Variants in STXBP4 observed in about 807,000 individuals in gnomAD.
STXBP4 encodes the protein syntaxin binding protein 4.
Under a neutral mutation model 76.1 loss-of-function variants are expected in STXBP4, and 55 were observed. The ratio of observed to expected loss-of-function variants is 0.72; its 90% confidence interval spans 0.58 to 0.91. STXBP4 has a LOEUF of 0.91. STXBP4 is among the 40% of genes least tolerant of loss of function. The pLI is 0.00. For missense variants in STXBP4, 618 were observed against 636.9 expected, an observed-to-expected ratio of 0.97 and a Z score of 0.32; for synonymous variants, 201 against 220.2, an observed-to-expected ratio of 0.91 and a Z score of 0.77.
At chr17:55,024,315 G>A (rs2078373811) in intron 8 of STXBP4, among the ~76,000 whole-genome samples, 1 of 152,234 alleles carries the variant, frequency 6.6e-6, no homozygotes. Context: ...AAGGAGATAT[G>A]TACAATGCAG....
At chr17:54,989,354 CA>C (rs2144394795) in intron 3 of STXBP4, among the ~76,000 whole-genome samples, 1 of 152,326 alleles carries the variant, frequency 6.6e-6, no homozygotes, top group South Asian at 2.1e-4. Context: ...CTCGGCCTCC[CA>C]AAGTGCTGGG....
chr17:54,994,595 C>CCT (rs1365364618), intron 4 of STXBP4, among the ~76,000 whole-genome samples: 1 of 152,172 alleles, frequency 6.6e-6, no homozygotes, highest in Admixed American at 6.5e-5. Context: ...ATCACTGGAG[C>CCT]TTAAACTGTC....
In STXBP4 at chr17:55,162,581, A is replaced by C. The variant is rs975377123; in HGVS notation, c.*2670A>C. On this transcript the variant is annotated 3_prime_UTR_variant, in exon 18 of 18. Coordinates refer to ENST00000376352, the MANE Select transcript of STXBP4 (RefSeq NM_178509.6). ...ACTTACTCTTGATTTAAAAAAAAAA[A>C]AACAACAAAAGAGTTTGTGTGTGGC... 49 of 152,250 alleles carry C rather than the reference A, an allele frequency of 3.2e-4. No homozygotes were observed. The highest frequency in any genetic ancestry group is 7.5e-4 in the African/African-American group (31 of 41,574). The allele number at this position is 152,250 out of a possible 1,614,324, so 9.4% of individuals were successfully genotyped here.
At chr17:55,071,801 TC>T (rs1487271613) in intron 12 of STXBP4, among the ~76,000 whole-genome samples, 1 of 152,150 alleles carries the variant, frequency 6.6e-6, no homozygotes, top group Non-Finnish European at 1.5e-5. Flanking sequence ...AAAGCAAATG[TC>T]CCTTAACAGC....
chr17:54,984,381 C>T (rs1434094933), intron 1 of STXBP4, among the ~76,000 whole-genome samples: 5 of 131,480 alleles, frequency 3.8e-5, no homozygotes, highest in African/African-American at 1.4e-4. Flanking sequence ...CTGGCTCTGT[C>T]GCCCAGGCTG....
intron 16 of STXBP4, among the ~76,000 whole-genome samples, chr17:55,132,226 G>T (rs1037264895): frequency 1.3e-5 from 2 of 152,164 alleles, no homozygotes. Context: ...GAGTCTCGCT[G>T]TGTCCCCCAG....
At chr17:54,973,103 T>C (rs746682519) in intron 1 of STXBP4, among the ~76,000 whole-genome samples, 8 of 152,196 alleles carry the variant, frequency 5.3e-5, no homozygotes, top group Non-Finnish European at 8.8e-5. Flanking sequence ...GGAAGTTTGG[T>C]TCTAGACACA....
chr17:55,196,952 A>G, the STXBP4 span, among the ~76,000 whole-genome samples: 1 of 152,216 alleles, frequency 6.6e-6, no homozygotes, highest in African/African-American at 2.4e-5. Context: ...GATCCAGCCA[A>G]CATTTGAATG....
the STXBP4 span, among the ~76,000 whole-genome samples, chr17:55,212,262 A>ATAAACTCTATCAGGG: frequency 0.86 from 130,961 of 152,070 alleles, 56,854 homozygotes; most frequent in African/African-American, 0.96. Flanking sequence ...TCCCTGGACT[A>ATAAACTCTATCAGGG]TAGGGTCATG....
chr17:55,087,338 C>A (rs1192039073), intron 16 of STXBP4, among the ~76,000 whole-genome samples: 1 of 152,078 alleles, frequency 6.6e-6, no homozygotes, highest in Non-Finnish European at 1.5e-5. Context: ...TTCATAAAAT[C>A]TTTTCCCAGA....
At chr17:55,066,701 A>T (rs193271686) in intron 12 of STXBP4, among the ~76,000 whole-genome samples, 5 of 152,234 alleles carry the variant, frequency 3.3e-5, no homozygotes, top group African/African-American at 9.6e-5. Flanking sequence ...AAGATTTTTT[A>T]AAATTTATAT....
Position 55,057,202 on chromosome 17 carries a change from C to T in STXBP4, c.1011+10048C>T, listed in dbSNP as rs372449557. Among the ~76,000 whole-genome samples, 5 of 152,256 alleles carry T rather than the reference C, an allele frequency of 3.3e-5. No homozygotes were observed. The South Asian group carries it at 1.0e-3, about 32-fold the overall frequency. On this transcript the variant is annotated intron_variant, in intron 12 of 17. Transcript: ENST00000376352. ...GTCTGGTTACTGAATAATAGATGCA[C>T]CTTCCTTTTGTTTAAGAAAACCTTT...
chr17:55,055,334 G>A (rs965121743), intron 12 of STXBP4, among the ~76,000 whole-genome samples: 10 of 152,008 alleles, frequency 6.6e-5, no homozygotes, highest in Non-Finnish European at 7.4e-5. Flanking sequence ...CTGTCTCCAC[G>A]TATAATCTGA....
chr17:55,014,816 C>A (rs116250785), intron 8 of STXBP4, among the ~76,000 whole-genome samples: 1 of 152,116 alleles, frequency 6.6e-6, no homozygotes, highest in Non-Finnish European at 1.5e-5. Context: ...GTAGGCCACA[C>A]TGGAAGCAAG....
intron 12 of STXBP4, among the ~76,000 whole-genome samples, chr17:55,071,534 CTT>C: frequency 6.6e-6 from 1 of 152,284 alleles, no homozygotes; most frequent in African/African-American, 2.4e-5. Context: ...GGTCAGTTAT[CTT>C]TTCAATGAGA....
At chr17:55,083,709 A>ACCTATATTTG (rs1390457142) in intron 16 of STXBP4, among the ~76,000 whole-genome samples, 1 of 152,098 alleles carries the variant, frequency 6.6e-6, no homozygotes, top group Non-Finnish European at 1.5e-5. Flanking sequence ...TGGAACACCT[A>ACCTATATTTG]CCTATATTTG....
Position 55,163,811 on chromosome 17 carries a change from T to C in STXBP4, c.*3900T>C, listed in dbSNP as rs2145203414. On this transcript the variant is annotated 3_prime_UTR_variant, in exon 18 of 18. Transcript: ENST00000376352. ...TTAAATTTGAAAAATTCCAAAATAA[T>C]ATTAACACCTCTTGACTAGAAAAGG... The C allele has an allele frequency of 6.9e-6, 1 of 145,218 alleles. No individual in the cohort carries two copies. Among genetic ancestry groups the C allele is most frequent in the East Asian group, 2.0e-4 (1 of 5,070 alleles). 9.0% of individuals were successfully genotyped at this position (145,218 alleles called of 1,614,324 possible).
intron 11 of STXBP4, chr17:55,044,879 GAATT>G (rs2078764527): frequency 6.8e-6 from 1 of 147,668 alleles, no homozygotes; most frequent in Admixed American, 6.8e-5. Context: ...CTCTTTATAA[GAATT>G]ATATCTCAGG....
At chr17:55,037,044 A>G (rs2078615656) in intron 10 of STXBP4, among the ~76,000 whole-genome samples, 1 of 152,086 alleles carries the variant, frequency 6.6e-6, no homozygotes, top group Non-Finnish European at 1.5e-5. Flanking sequence ...CATGTTGCCC[A>G]TTGCAATCAC....
Sources: gnomAD v4.1 joint callset for allele counts (sites outside exome capture counted in the v4.1 genomes callset) on GRCh38, gnomAD v4.1.1 for gene constraint, MANE v1.5 for transcripts, NCBI Gene and HGNC (gene_info 2026-07-23, HGNC 2026-07-21) for gene names.